HOMER1: variants seen among roughly 807,000 people sequenced by gnomAD.
The protein encoded by HOMER1 is homer scaffold protein 1, also known as homer protein homolog 1.
HOMER1 carries 3 observed loss-of-function variants against 48.9 expected under a neutral mutation model. The observed-to-expected ratio is 0.06, with a 90% confidence interval of 0.03 to 0.16. The LOEUF (loss-of-function observed/expected upper bound fraction) is 0.16. Ranked by LOEUF, HOMER1 falls within the 10% of genes least tolerant of loss-of-function variation. HOMER1 has a pLI of 1.00. For missense variants in HOMER1, 247 were observed against 411.4 expected (o/e 0.60, Z 3.46); for synonymous variants, 134 against 146.4 (o/e 0.92, Z 0.61).
chr5:79,406,618 C>T (rs1749669395), intron 5 of HOMER1, among the ~76,000 whole-genome samples: 1 of 152,176 alleles, frequency 6.6e-6, no homozygotes, highest in South Asian at 2.1e-4. Context: ...CTCCACAGGA[C>T]CAAAATCTTA....
chr5:79,438,504 C>T (rs1213575922), intron 5 of HOMER1, among the ~76,000 whole-genome samples: 1 of 152,150 alleles, frequency 6.6e-6, no homozygotes, highest in Non-Finnish European at 1.5e-5. Flanking sequence ...TTAACATTAA[C>T]AAACCCATGC....
chr5:79,410,729 A>C (rs942893583), intron 5 of HOMER1, among the ~76,000 whole-genome samples: 10 of 152,112 alleles, frequency 6.6e-5, no homozygotes, highest in African/African-American at 2.4e-4. Context: ...TTTAATATTC[A>C]AATCTAAGAT....
intron 2 of HOMER1, among the ~76,000 whole-genome samples, chr5:79,454,170 ATTCC>A (rs1751102146): frequency 6.6e-6 from 1 of 152,222 alleles, no homozygotes; most frequent in African/African-American, 2.4e-5. Flanking sequence ...AATCACTAAA[ATTCC>A]TTCCTTTAAA....
intron 8 of HOMER1, among the ~76,000 whole-genome samples, chr5:79,380,986 AC>A (rs746737240): frequency 1.3e-4 from 20 of 152,112 alleles, no homozygotes; most frequent in Middle Eastern, 3.2e-3. Context: ...GGGTCGGAGA[AC>A]CCACCCACCC....
chr5:79,396,288 C>T (rs528320068), intron 8 of HOMER1, among the ~76,000 whole-genome samples: 4 of 145,108 alleles, frequency 2.8e-5, no homozygotes, highest in Non-Finnish European at 5.9e-5. Flanking sequence ...TACATTAGTA[C>T]ATTGTAAAAT....
chr5:79,434,727 A>C (rs2112268741), intron 5 of HOMER1, among the ~76,000 whole-genome samples: 1 of 143,392 alleles, frequency 7.0e-6, no homozygotes, highest in East Asian at 2.1e-4. Flanking sequence ...ATTCAATAAG[A>C]ATGTTTTTGC....
intron 5 of HOMER1, among the ~76,000 whole-genome samples, chr5:79,408,821 T>C (rs1031616378): frequency 6.6e-6 from 1 of 152,274 alleles, no homozygotes; most frequent in South Asian, 2.1e-4. Flanking sequence ...GGGTGGCTCA[T>C]GCCTTAATCC....
chr5:79,502,525 C>T (rs1027238637), intron 1 of HOMER1, among the ~76,000 whole-genome samples: 3 of 152,008 alleles, frequency 2.0e-5, no homozygotes, highest in African/African-American at 4.8e-5. Flanking sequence ...AACATGGTAG[C>T]GCTTTTATGA....
chr5:79,434,911 A>G (rs2112269009), intron 5 of HOMER1, among the ~76,000 whole-genome samples: 1 of 152,314 alleles, frequency 6.6e-6, no homozygotes, highest in South Asian at 2.1e-4. Flanking sequence ...GTAATAGCTT[A>G]GTAAATAAGT....
At chr5:79,429,837 C>G (rs1172206230) in intron 5 of HOMER1, among the ~76,000 whole-genome samples, 3 of 152,076 alleles carry the variant, frequency 2.0e-5, no homozygotes, top group African/African-American at 7.2e-5. Context: ...TCCTGGCTAA[C>G]ACGGTGAAAC....
At chr5:79,489,737 A>T (rs1280331943) in intron 1 of HOMER1, among the ~76,000 whole-genome samples, 1 of 152,088 alleles carries the variant, frequency 6.6e-6, no homozygotes, top group African/African-American at 2.4e-5. Flanking sequence ...GATTATAGTA[A>T]TTTTCTCTTC....
rs1445068881 is a variant in HOMER1 at position 79,372,725 on chromosome 5, G to A, written c.*3284C>T. On this transcript the variant is annotated 3_prime_UTR_variant, in exon 9 of 9. Coordinates refer to ENST00000334082, the MANE Select transcript of HOMER1 (RefSeq NM_004272.5). Reference sequence around the variant, plus strand: ...TCCCATTCCAGTACTGACAAAATCAGGACCACAAGGAGATAAATGACCGAA... The same window carrying A: ...TCCCATTCCAGTACTGACAAAATCAAGACCACAAGGAGATAAATGACCGAA... 6.6e-6 allele frequency: 1 copy of A among 152,084 alleles called. No homozygotes were observed. The highest frequency in any genetic ancestry group is 1.5e-5 in the Non-Finnish European group (1 of 67,998). 9.4% of individuals were successfully genotyped at this position (152,084 alleles called of 1,614,324 possible).
chr5:79,429,967 G>A (rs191503445), intron 5 of HOMER1, among the ~76,000 whole-genome samples: 76 of 151,442 alleles, frequency 5.0e-4, no homozygotes, highest in African/African-American at 1.8e-3. Flanking sequence ...AGCTTGCAGT[G>A]AGCCGAGATT....
intron 5 of HOMER1, among the ~76,000 whole-genome samples, chr5:79,431,226 G>C (rs1750416887): frequency 6.6e-6 from 1 of 152,150 alleles, no homozygotes; most frequent in East Asian, 1.9e-4. Flanking sequence ...GGGAGGCTGA[G>C]GAAGGAGAAT....
intron 1 of HOMER1, among the ~76,000 whole-genome samples, chr5:79,506,187 T>C (rs577643099): frequency 2.6e-5 from 4 of 152,162 alleles, no homozygotes; most frequent in African/African-American, 9.6e-5. Context: ...CAATCTCGGC[T>C]CACTGCAACC....
intron 5 of HOMER1, among the ~76,000 whole-genome samples, chr5:79,433,522 C>A (rs1263835966): frequency 6.6e-6 from 1 of 152,018 alleles, no homozygotes. Context: ...GAGCTGAGAT[C>A]GCACCACTGC....
chr5:79,489,252 C>A (rs1056519256), intron 1 of HOMER1, among the ~76,000 whole-genome samples: 1 of 152,068 alleles, frequency 6.6e-6, no homozygotes, highest in Non-Finnish European at 1.5e-5. Flanking sequence ...ATAAAACAGC[C>A]AATTTTTAGT....
At chr5:79,476,562 G>A (rs1282351019) in intron 1 of HOMER1, among the ~76,000 whole-genome samples, 2 of 152,086 alleles carry the variant, frequency 1.3e-5, no homozygotes, top group Non-Finnish European at 2.9e-5. Flanking sequence ...CTTTGAGTTC[G>A]ATTAATTTGC....
chr5:79,380,513 C>T (rs958746435), intron 8 of HOMER1, among the ~76,000 whole-genome samples: 9 of 152,192 alleles, frequency 5.9e-5, no homozygotes, highest in Admixed American at 2.0e-4. Flanking sequence ...GCATGAGTGG[C>T]GTGCACATTT....
Sources: gnomAD v4.1 joint callset for allele counts (sites outside exome capture counted in the v4.1 genomes callset) on GRCh38, gnomAD v4.1.1 for gene constraint, MANE v1.5 for transcripts, NCBI Gene and HGNC (gene_info 2026-07-23, HGNC 2026-07-21) for gene names.